The following AOAH variants were observed in gnomAD, a reference collection of about 807,000 sequenced individuals.
AOAH encodes acyloxyacyl hydrolase (neutrophil).
AOAH carries 64 observed loss-of-function variants against 92.2 expected under a neutral mutation model. That is an observed-to-expected ratio of 0.69 (90% CI 0.57 to 0.86). AOAH has a LOEUF of 0.86. Ranked by LOEUF, AOAH falls within the 40% of genes least tolerant of loss-of-function variation. The pLI is 0.00. For synonymous variants in AOAH, 263 were observed against 254.5 expected (o/e 1.03, Z -0.32); for missense variants, 656 against 694.6 (o/e 0.94, Z 0.62).
chr7:36,648,395 T>C (rs191627508), intron 4 of AOAH, among the ~76,000 whole-genome samples: 375 of 151,950 alleles, frequency 2.5e-3, no homozygotes, highest in African/African-American at 8.7e-3. Context: ...CCCTAAACCA[T>C]TTGTTTGTGG....
chr7:36,520,166 T>C (rs911268235), intron 20 of AOAH, among the ~76,000 whole-genome samples: 1 of 152,236 alleles, frequency 6.6e-6, no homozygotes, highest in Admixed American at 6.5e-5. Context: ...AAGTACAAGA[T>C]AGAGGCCCAA....
At chr7:36,620,669 T>G in intron 9 of AOAH, 112 bp downstream of exon 9, 1 of 939,896 alleles carries the variant, frequency 1.1e-6, no homozygotes, top group Non-Finnish European at 1.6e-6. Flanking sequence ...GGAAAAGAGT[T>G]GCTTTAGGCT....
rs764909066 is a variant in AOAH, at chr7:36,623,189, C to G, written c.582+1G>C. On this transcript the variant is annotated splice_donor_variant, in intron 7 of 20. Transcript: ENST00000617537. LOFTEE classifies it high-confidence loss of function. ...ATCTGGTTATTCCTAACAATACTTA[C>G]TGGGAAAACGCTGTATTTGTCTGAA... 6.2e-7 allele frequency: 1 copy of G among 1,613,224 alleles called. No homozygotes were observed.
chr7:36,582,850 C>CTTT (rs35810774), intron 12 of AOAH, among the ~76,000 whole-genome samples: 2 of 146,620 alleles, frequency 1.4e-5, no homozygotes, highest in Non-Finnish European at 3.0e-5. Flanking sequence ...TAGTCAGTGT[C>CTTT]TTTTTTTTTT....
At chr7:36,548,335 G>A (rs1312169684) in intron 15 of AOAH, among the ~76,000 whole-genome samples, 4 of 152,138 alleles carry the variant, frequency 2.6e-5, no homozygotes, top group South Asian at 2.1e-4. Flanking sequence ...ACAGGCACAC[G>A]CCACCATGCC....
intron 5 of AOAH, among the ~76,000 whole-genome samples, chr7:36,636,178 A>G (rs1286008868): frequency 6.6e-6 from 1 of 152,120 alleles, no homozygotes; most frequent in Non-Finnish European, 1.5e-5. Context: ...AGACACACTT[A>G]TTTGCATTTT....
At chr7:36,715,479 A>T (rs1036526994) in intron 1 of AOAH, among the ~76,000 whole-genome samples, 1 of 151,220 alleles carries the variant, frequency 6.6e-6, no homozygotes, top group African/African-American at 2.4e-5. Flanking sequence ...AACTACTTTA[A>T]AGTTCATATG....
intron 3 of AOAH, among the ~76,000 whole-genome samples, chr7:36,662,379 G>A (rs758522702): frequency 1.4e-4 from 21 of 152,198 alleles, no homozygotes; most frequent in Admixed American, 7.9e-4. Context: ...GGGAAGTCAG[G>A]GGGTAAGACT....
chr7:36,517,214 C>CTTTCTTTT (rs59205788), intron 20 of AOAH, among the ~76,000 whole-genome samples: 2 of 104,828 alleles, frequency 1.9e-5, no homozygotes, highest in African/African-American at 4.0e-5. Flanking sequence ...TTCTTTCTTT[C>CTTTCTTTT]TCTTTCTTTC....
Position 36,522,048 on chromosome 7 carries a change from G to C in AOAH, c.1590C>G (p.His530Gln), listed in dbSNP as rs202126000. 1 of 1,614,092 alleles carries C rather than the reference G, an allele frequency of 6.2e-7. No homozygotes were observed. The highest frequency in any genetic ancestry group is 1.3e-5 in the African/African-American group (1 of 75,030). The change falls in exon 20 of 21, where the codon CAC becomes CAG. Residue 530 changes from histidine to glutamine, a missense_variant. Coordinates refer to ENST00000617537, the MANE Select transcript of AOAH (RefSeq NM_001637.4). Reference sequence around the variant, plus strand: ...ATGTGACTGTGCTTACCTCGTTGGGGTGGAATCCATCCACGGGCTCGATGA... The same window carrying C: ...ATGTGACTGTGCTTACCTCGTTGGGCTGGAATCCATCCACGGGCTCGATGA... Reference protein sequence around the residue: ...WQLIEPVDGFHPNEVALLLLA... With the variant: ...WQLIEPVDGFQPNEVALLLLA...
chr7:36,678,955 ACT>A (rs1399553567), intron 2 of AOAH, among the ~76,000 whole-genome samples: 1 of 152,124 alleles, frequency 6.6e-6, no homozygotes, highest in Non-Finnish European at 1.5e-5. Flanking sequence ...ATACTGTTAA[ACT>A]CTGCCTGTGA....
intron 1 of AOAH, among the ~76,000 whole-genome samples, chr7:36,687,198 T>C (rs988653111): frequency 6.6e-6 from 1 of 152,212 alleles, no homozygotes; most frequent in African/African-American, 2.4e-5. Flanking sequence ...GAACTCACCA[T>C]GTGGCCTTTC....
chr7:36,616,414 G>A lies in AOAH; in HGVS notation c.812C>T (p.Ser271Phe). ...GDSAGAHFHI[S>F]PEWITASQMS... ...CTGCGACGCTGTGATCCATTCAGGA[G>A]AGATGTGAAAATGAGCCCCAGCTGA... The change falls in exon 11 of 21, where the codon TCT becomes TTT. Residue 271 changes from serine (S) to phenylalanine (F), a missense_variant. By Grantham distance (155) the Ser-to-Phe change is radical. Transcript: ENST00000617537. The A allele has an allele frequency of 1.2e-6, 2 of 1,614,112 alleles. No individual in the cohort carries two copies. Among genetic ancestry groups the A allele is most frequent in the Non-Finnish European group, 1.7e-6 (2 of 1,179,956 alleles).
intron 1 of AOAH, among the ~76,000 whole-genome samples, chr7:36,719,811 C>T (rs369982966): frequency 6.6e-6 from 1 of 151,986 alleles, no homozygotes; most frequent in Admixed American, 6.6e-5. Flanking sequence ...TGGTGTGCAC[C>T]TGTAGTCCCA....
chr7:36,574,881 T>C (rs1012965266), intron 13 of AOAH, among the ~76,000 whole-genome samples: 1 of 152,200 alleles, frequency 6.6e-6, no homozygotes, highest in Non-Finnish European at 1.5e-5. Flanking sequence ...AAAAATGTGG[T>C]AGAAACTAAA....
At chr7:36,514,139 G>T (rs1790200675) in intron 20 of AOAH, among the ~76,000 whole-genome samples, 1 of 152,126 alleles carries the variant, frequency 6.6e-6, no homozygotes, top group African/African-American at 2.4e-5. Flanking sequence ...AAAGGGAAGA[G>T]GTGTCACTTC....
At chr7:36,631,593 T>TAATA (rs1430163081) in intron 6 of AOAH, among the ~76,000 whole-genome samples, 3 of 152,218 alleles carry the variant, frequency 2.0e-5, no homozygotes, top group Admixed American at 2.0e-4. Flanking sequence ...ATTTTTCATG[T>TAATA]AATAGTTTGG....
At chr7:36,669,166 A>G (rs1434451139) in intron 3 of AOAH, among the ~76,000 whole-genome samples, 2 of 152,190 alleles carry the variant, frequency 1.3e-5, no homozygotes, top group African/African-American at 4.8e-5. Flanking sequence ...GAAAGTGCTC[A>G]TATTTAGACC....
intron 4 of AOAH, among the ~76,000 whole-genome samples, chr7:36,648,019 T>TG (rs1412245738): frequency 4.6e-5 from 7 of 151,908 alleles, no homozygotes; most frequent in Admixed American, 2.6e-4. Context: ...TTAGTAGAGA[T>TG]GGGGGTTTCA....
Sources: allele counts gnomAD v4.1 joint callset (sites outside exome capture counted in the v4.1 genomes callset), GRCh38; gene constraint gnomAD v4.1.1; transcripts MANE v1.5; gene names NCBI Gene and HGNC (gene_info 2026-07-23, HGNC 2026-07-21).